The following IDE variants were observed in gnomAD, a reference collection of about 807,000 sequenced individuals.
The protein encoded by IDE is insulin degrading enzyme.
Under a neutral mutation model 133.2 loss-of-function variants are expected in IDE, and 58 were observed. The observed-to-expected ratio is 0.44, with a 90% CI of 0.35 to 0.54. The LOEUF is 0.54. Ranked by LOEUF, IDE falls within the 20% of genes least tolerant of loss-of-function variation. The probability of loss-of-function intolerance (pLI) is 0.00; values close to 1 mark genes in which losing one functional copy is unlikely to be tolerated. For missense variants in IDE, 981 were observed against 1,234.0 expected, an observed-to-expected ratio of 0.79 and a Z score of 3.07; for synonymous variants, 396 against 421.3, an observed-to-expected ratio of 0.94 and a Z score of 0.73.
intron 11 of IDE, among the ~76,000 whole-genome samples, chr10:92,498,606 A>G (rs1686502969): frequency 6.6e-6 from 1 of 150,726 alleles, no homozygotes; most frequent in South Asian, 2.1e-4. Context: ...AAATACAAAA[A>G]GTTAGCTGGG....
Position 92,452,450 on chromosome 10 carries a change from T to C in IDE, c.*1994A>G, listed in dbSNP as rs1844790119. 3 of 152,226 alleles carry C rather than the reference T, an allele frequency of 2.0e-5. No homozygotes were observed. The highest frequency in any genetic ancestry group is 2.0e-4 in the Admixed American group (3 of 15,274). The allele number at this position is 152,226 out of a possible 1,614,324, so 9.4% of individuals were successfully genotyped here. The stretch of plus-strand genomic sequence containing the variant: ...ATCTGGGGTAGTCTGTTATTGCTCA[T>C]GGACTGCAGCTTGGACCCATCTAAA... On this transcript the variant is annotated 3_prime_UTR_variant, in exon 25 of 25. Coordinates refer to ENST00000265986, the MANE Select transcript of IDE (RefSeq NM_004969.4).
intron 14 of IDE, among the ~76,000 whole-genome samples, chr10:92,481,800 G>A (rs1240044011): frequency 1.3e-5 from 2 of 152,318 alleles, no homozygotes; most frequent in East Asian, 3.9e-4. Flanking sequence ...TCTAGGAAAT[G>A]CGCTAGGCAG....
At chr10:92,562,325 C>A (rs1843320244) in intron 1 of IDE, among the ~76,000 whole-genome samples, 1 of 152,154 alleles carries the variant, frequency 6.6e-6, no homozygotes, top group African/African-American at 2.4e-5. Flanking sequence ...GGAAAAAGAA[C>A]TATGCACCTG....
At chr10:92,494,682 T>C (rs1847583249) in intron 11 of IDE, among the ~76,000 whole-genome samples, 2 of 152,212 alleles carry the variant, frequency 1.3e-5, no homozygotes, top group African/African-American at 4.8e-5. Flanking sequence ...CTAGAATGAA[T>C]GCTGTTGACT....
chr10:92,504,716 C>T, intron 11 of IDE, 78 bp downstream of exon 11: 1 of 767,900 alleles, frequency 1.3e-6, no homozygotes, highest in South Asian at 1.6e-5. Flanking sequence ...GCATTTTATT[C>T]ACAATTTCAA....
chr10:92,542,273 G>C (rs564180358), intron 1 of IDE, among the ~76,000 whole-genome samples: 10 of 152,214 alleles, frequency 6.6e-5, no homozygotes, highest in Admixed American at 6.5e-4. Flanking sequence ...TCCCACCTCA[G>C]CCTCCCCAGT....
Position 92,520,953 on chromosome 10 carries a change from C to T in IDE, c.662-5911G>A, listed in dbSNP as rs529332088. Among the ~76,000 whole-genome samples, 7 of 152,300 alleles carry T rather than the reference C, an allele frequency of 4.6e-5. No individual in the cohort carries two copies. In the East Asian group the frequency reaches 1.2e-3, roughly 25 times the overall value. On this transcript the variant is annotated intron_variant, in intron 4 of 24. Coordinates refer to ENST00000265986, the MANE Select transcript of IDE (RefSeq NM_004969.4). ...GACTAAAATATATGAAATGTTTTTA[C>T]ATCCATGAGTCTATGTGATACTCAA...
chr10:92,458,212 G>A (rs1009275286), intron 22 of IDE, among the ~76,000 whole-genome samples: 1 of 152,100 alleles, frequency 6.6e-6, no homozygotes, highest in Non-Finnish European at 1.5e-5. Flanking sequence ...ATATTTATAG[G>A]TATTCTGTGT....
At chr10:92,508,044 T>A in intron 8 of IDE, 69 bp downstream of exon 8, 1 of 1,069,064 alleles carries the variant, frequency 9.4e-7, no homozygotes, top group South Asian at 1.3e-5. Context: ...ATCCACAGCA[T>A]GAAGAAGTTA....
At chr10:92,498,257 G>T (rs6583818) in intron 11 of IDE, among the ~76,000 whole-genome samples, 5,368 of 152,188 alleles carry the variant, frequency 0.035, 357 homozygotes, top group African/African-American at 0.12. Flanking sequence ...AAAAAATGAT[G>T]TATCCAAGAT....
rs1850143141 is a variant in IDE, at chr10:92,534,669, G to T, written c.400C>A (p.His134Asn). Residue 134 changes from histidine (H) to asparagine (N), a missense_variant, in exon 3 of 25, where the codon CAT becomes AAT. This residue lies in a region of IDE where 321 missense variants were observed against 339.3 expected (regional missense o/e 0.95). Transcript: ENST00000265986. ...GTAAAGGCATTTGAACTTCCTGCAT[G>T]CTCACTGAGAAACTGGCTGTATTCA... is the stretch of plus-strand genomic sequence containing the variant. The part of the protein sequence containing the change: ...ENEYSQFLSE[H>N]AGSSNAFTSG... 3 of 1,613,214 alleles carry T rather than the reference G, an allele frequency of 1.9e-6. No individual in the cohort carries two copies. The highest frequency in any genetic ancestry group is 1.3e-5 in the African/African-American group (1 of 74,870).
In IDE at chr10:92,479,420, G is replaced by A; in HGVS notation, c.1741C>T (p.Pro581Ser). ...TGCAAGGGGTCCACATAAGCAAATG[G>A]GCTGGAAGAAAATGTTGACAGTAAA... Reference protein sequence around the residue: ...KACLNFEFFSPFAYVDPLHCN... With the variant: ...KACLNFEFFSSFAYVDPLHCN... The change falls in exon 15 of 25, where the codon CCA (proline) becomes TCA (serine). Residue 581 changes from proline (P) to serine (S), a missense_variant and splice_region_variant. Pro to Ser is a moderately conservative substitution (Grantham distance 74). Around this residue, in one of 2 missense-constraint regions of IDE, gnomAD observed 660 missense variants for 894.7 expected, o/e 0.74. Coordinates refer to ENST00000265986, the MANE Select transcript of IDE (RefSeq NM_004969.4). The A allele has an allele frequency of 6.3e-7, 1 of 1,597,970 alleles. No homozygotes were observed. Among genetic ancestry groups the A allele is most frequent in the Non-Finnish European group, 8.6e-7 (1 of 1,167,304 alleles).
At chr10:92,538,753 T>C (rs1842146886) in intron 1 of IDE, among the ~76,000 whole-genome samples, 1 of 147,102 alleles carries the variant, frequency 6.8e-6, no homozygotes, top group South Asian at 2.2e-4. Flanking sequence ...GTAACTTTTG[T>C]CTATACTGGA....
intron 17 of IDE, among the ~76,000 whole-genome samples, chr10:92,471,555 G>A (rs995393691): frequency 2.6e-5 from 4 of 151,998 alleles, no homozygotes; most frequent in African/African-American, 7.3e-5. Context: ...CTGCCTTAGG[G>A]GTCCTCTTCA....
intron 22 of IDE, among the ~76,000 whole-genome samples, chr10:92,456,656 T>C (rs1014311483): frequency 6.6e-6 from 1 of 151,832 alleles, no homozygotes; most frequent in Admixed American, 6.6e-5. Context: ...CTGGCCAACA[T>C]AGTGAAACCC....
rs190924312 is a variant in IDE at position 92,537,568 on chromosome 10, T to G, written c.99-18A>C. Reference sequence around the variant, plus strand: ...TTTGGAAACTGAAAAGAAAGAGATTTTTAATTGTTGATTTGTGACTTTATA... The same window carrying G: ...TTTGGAAACTGAAAAGAAAGAGATTGTTAATTGTTGATTTGTGACTTTATA... On this transcript the variant is annotated intron_variant, in intron 1 of 24. Coordinates refer to ENST00000265986, the MANE Select transcript of IDE (RefSeq NM_004969.4). 3.0e-5 allele frequency: 46 copies of G among 1,546,230 alleles called. No homozygotes were observed. Among genetic ancestry groups the G allele is most frequent in the Non-Finnish European group, 3.8e-5 (43 of 1,130,288 alleles).
chr10:92,451,951 C>G lies in IDE; in HGVS notation c.*2493G>C, dbSNP rs73323652. The G allele has an allele frequency of 3.0e-4, 45 of 152,270 alleles. No homozygotes were observed. The highest frequency in any genetic ancestry group is 1.1e-3 in the African/African-American group (45 of 41,548). 9.4% of individuals were successfully genotyped at this position (152,270 alleles called of 1,614,324 possible). A position where few individuals can be genotyped will look rare whatever the true frequency, so the allele number is the denominator to read the frequency against. On this transcript the variant is annotated 3_prime_UTR_variant, in exon 25 of 25. Coordinates refer to ENST00000265986, the MANE Select transcript of IDE (RefSeq NM_004969.4). ...CCTGTAAGGGCAGGAACAAATCTTT[C>G]TGGGTTTGGAGTCAGTGACAATACT...
intron 11 of IDE, among the ~76,000 whole-genome samples, chr10:92,498,701 A>C (rs1847855240): frequency 6.6e-6 from 1 of 152,218 alleles, no homozygotes; most frequent in Non-Finnish European, 1.5e-5. Flanking sequence ...AGGTGCAGTG[A>C]GCCAAGATCG....
intron 1 of IDE, among the ~76,000 whole-genome samples, chr10:92,550,072 G>C (rs948565942): frequency 1.3e-5 from 2 of 152,026 alleles, no homozygotes; most frequent in Admixed American, 6.6e-5. Flanking sequence ...GGAGGCTGAG[G>C]CAGGAGAATC....
Sources: allele counts gnomAD v4.1 joint callset (sites outside exome capture counted in the v4.1 genomes callset), GRCh38; gene constraint gnomAD v4.1.1; regional missense constraint gnomAD v4.1.1; transcripts MANE v1.5; gene names NCBI Gene and HGNC (gene_info 2026-07-23, HGNC 2026-07-21).